ELMOD2: variants seen among roughly 807,000 people sequenced by gnomAD.
ELMOD2 encodes the protein ELMO domain-containing protein 2.
A neutral mutation model predicts 41.0 loss-of-function variants in ELMOD2; 28 were observed. The observed-to-expected ratio is 0.68, with a 90% confidence interval of 0.51 to 0.94. ELMOD2 has a LOEUF of 0.94. ELMOD2 is among the 40% of genes least tolerant of loss of function. The pLI, the probability that ELMOD2 is intolerant of heterozygous loss-of-function variation, is 0.00. For synonymous variants in ELMOD2, 106 were observed against 107.2 expected (o/e 0.99, Z 0.07); for missense variants, 333 against 343.1 (o/e 0.97, Z 0.23).
chr4:140,538,981 A>G (rs987723801), intron 5 of ELMOD2, among the ~76,000 whole-genome samples: 4 of 152,228 alleles, frequency 2.6e-5, no homozygotes, highest in African/African-American at 9.6e-5. Context: ...AACTCCTTGC[A>G]GAATTCATGG....
intron 3 of ELMOD2, among the ~76,000 whole-genome samples, chr4:140,531,411 A>G (rs919781290): frequency 6.6e-6 from 1 of 152,236 alleles, no homozygotes; most frequent in Non-Finnish European, 1.5e-5. Context: ...GTCTAATTCA[A>G]TATTCTGCTA....
intron 7 of ELMOD2, 148 bp from the exon 8 acceptor site, chr4:140,543,305 T>C: frequency 1.3e-6 from 1 of 782,172 alleles, no homozygotes; most frequent in Non-Finnish European, 1.9e-6. Flanking sequence ...AAATTCTTTC[T>C]AGTATATTTT....
At chr4:140,527,774 G>A (rs953011900) in intron 3 of ELMOD2, 6 of 347,036 alleles carry the variant, frequency 1.7e-5, no homozygotes, top group Non-Finnish European at 3.1e-5. Flanking sequence ...GGCCTTAGGA[G>A]GAAAGTCGTC....
rs1033712958 is a variant in ELMOD2, at chr4:140,552,925, C to T, written c.*2550C>T. 1 of 152,032 alleles carries T rather than the reference C, an allele frequency of 6.6e-6. No individual in the cohort carries two copies. The highest frequency in any genetic ancestry group is 1.9e-4 in the East Asian group (1 of 5,194). 9.4% of individuals were successfully genotyped at this position (152,032 alleles called of 1,614,324 possible). A position where few individuals can be genotyped will look rare whatever the true frequency, so the allele number is the denominator to read the frequency against. Reference sequence around the variant, plus strand: ...GGTATCAGTGAACCTATACCAACCTCTCTTTGTACATAAATATGGTGATGT... The same window carrying T: ...GGTATCAGTGAACCTATACCAACCTTTCTTTGTACATAAATATGGTGATGT... On this transcript the variant is annotated 3_prime_UTR_variant, in exon 9 of 9. Coordinates refer to ENST00000323570, the MANE Select transcript of ELMOD2 (RefSeq NM_153702.4).
At chr4:140,527,303 A>G (rs1416024783) in intron 2 of ELMOD2, among the ~76,000 whole-genome samples, 163 bp from the exon 3 acceptor site, 1 of 152,210 alleles carries the variant, frequency 6.6e-6, no homozygotes, top group Non-Finnish European at 1.5e-5. Flanking sequence ...ATATGTTTAT[A>G]CTGTAAGATT....
At position 140,550,570 on chromosome 4, in the gene ELMOD2, C is replaced by A; in HGVS notation, c.*195C>A. The stretch of plus-strand genomic sequence containing the variant: ...GTTTATACACTGTTCTCCAAAGGTA[C>A]CTTATCCTTCCAAAGATCCCCTCTG... On this transcript the variant is annotated 3_prime_UTR_variant, in exon 9 of 9. Coordinates refer to ENST00000323570, the MANE Select transcript of ELMOD2 (RefSeq NM_153702.4). The A allele has an allele frequency of 2.1e-6, 1 of 473,034 alleles. No individual in the cohort carries two copies. Among genetic ancestry groups the A allele is most frequent in the African/African-American group, 2.0e-5 (1 of 49,156 alleles). 29.3% of individuals were successfully genotyped at this position (473,034 alleles called of 1,614,324 possible). A position where few individuals can be genotyped will look rare whatever the true frequency, so the allele number is the denominator to read the frequency against.
chr4:140,538,243 T>C (rs1734993161), intron 5 of ELMOD2, among the ~76,000 whole-genome samples: 2 of 152,182 alleles, frequency 1.3e-5, no homozygotes, highest in African/African-American at 4.8e-5. Context: ...ACTAGAATGG[T>C]AGGGCCTGGA....
At chr4:140,546,211 T>C (rs1735274452) in intron 8 of ELMOD2, among the ~76,000 whole-genome samples, 2 of 152,068 alleles carry the variant, frequency 1.3e-5, no homozygotes, top group South Asian at 4.1e-4. Flanking sequence ...CTGGAAACCA[T>C]CATTCTCAGC....
Position 140,527,506 on chromosome 4 carries a change from T to G in ELMOD2, c.171+12T>G. 1 of 1,566,616 alleles carries G rather than the reference T, an allele frequency of 6.4e-7. No homozygotes were observed. The highest frequency in any genetic ancestry group is 2.3e-5 in the East Asian group (1 of 43,990). ...ACTCCAAGAATAAGGTAGGATAACA[T>G]AAAGGTGGTAACTCTAGAAAACTTA... On this transcript the variant is annotated intron_variant, in intron 3 of 8. Coordinates refer to ENST00000323570, the MANE Select transcript of ELMOD2 (RefSeq NM_153702.4).
At chr4:140,543,181 T>G (rs1303063868) in intron 7 of ELMOD2, among the ~76,000 whole-genome samples, 1 of 151,976 alleles carries the variant, frequency 6.6e-6, no homozygotes, top group Non-Finnish European at 1.5e-5. Context: ...ATAGTCCCCC[T>G]GACCCCTTTT....
At chr4:140,541,293 T>A (rs1330020520) in intron 6 of ELMOD2, among the ~76,000 whole-genome samples, 1 of 152,134 alleles carries the variant, frequency 6.6e-6, no homozygotes, top group Non-Finnish European at 1.5e-5. Flanking sequence ...TGTGAAAAAA[T>A]CCTGATATTG....
chr4:140,525,635 C>A, intron 2 of ELMOD2, 65 bp downstream of exon 2: 1 of 1,507,078 alleles, frequency 6.6e-7, no homozygotes, highest in East Asian at 2.4e-5. Flanking sequence ...TCAGGACTCA[C>A]AGTGACAGAT....
At chr4:140,526,824 G>A (rs1450703831) in intron 2 of ELMOD2, 1 of 152,138 alleles carries the variant, frequency 6.6e-6, no homozygotes. Context: ...TATAGTGTGG[G>A]GGAAGAATAT....
intron 8 of ELMOD2, among the ~76,000 whole-genome samples, chr4:140,547,709 C>T (rs1232857697): frequency 6.6e-6 from 1 of 151,954 alleles, no homozygotes; most frequent in Non-Finnish European, 1.5e-5. Flanking sequence ...TTTTCATCAC[C>T]CCAGTGAGAT....
At chr4:140,531,520 CT>C (rs529519941) in intron 3 of ELMOD2, among the ~76,000 whole-genome samples, 7 of 152,214 alleles carry the variant, frequency 4.6e-5, no homozygotes, top group South Asian at 2.1e-4. Context: ...GGGAGGAATA[CT>C]TTGGCAATCT....
intron 8 of ELMOD2, among the ~76,000 whole-genome samples, chr4:140,548,986 C>G (rs1197738696): frequency 2.6e-5 from 4 of 152,030 alleles, no homozygotes; most frequent in Non-Finnish European, 5.9e-5. Flanking sequence ...CTCCATGATC[C>G]AAATGGTGAA....
chr4:140,531,530 C>A (rs991076594), intron 3 of ELMOD2, among the ~76,000 whole-genome samples: 6 of 152,184 alleles, frequency 3.9e-5, no homozygotes, highest in African/African-American at 1.4e-4. Flanking sequence ...CTTTGGCAAT[C>A]TATTGGTGTT....
intron 3 of ELMOD2, among the ~76,000 whole-genome samples, chr4:140,534,499 A>G (rs1357316192): frequency 6.6e-6 from 1 of 152,174 alleles, no homozygotes; most frequent in Admixed American, 6.6e-5. Flanking sequence ...GTCAAAACAG[A>G]TCAGACAACA....
At position 140,525,500 on chromosome 4, in the gene ELMOD2, G is replaced by T. The variant is rs1560821768; in HGVS notation, c.72G>T (p.Gln24His). 2 of 1,613,908 alleles carry T rather than the reference G, an allele frequency of 1.2e-6. No individual in the cohort carries two copies. The highest frequency in any genetic ancestry group is 2.7e-5 in the African/African-American group (2 of 74,912). The change falls in exon 2 of 9, where the codon CAG becomes CAT. Residue 24 changes from glutamine (Q) to histidine (H), a missense_variant. Gln to His is a conservative substitution (Grantham distance 24, BLOSUM62 0). Coordinates refer to ENST00000323570, the MANE Select transcript of ELMOD2 (RefSeq NM_153702.4). ...TTTGGATGAAATGGCTATTACGACA[G>T]ATGACTGGGAAGTGTGAATTGCAGC... ...FRFWMKWLLR[Q>H]MTGKCELQRI...
Sources: gnomAD v4.1 joint callset for allele counts (sites outside exome capture counted in the v4.1 genomes callset) on GRCh38, gnomAD v4.1.1 for gene constraint, MANE v1.5 for transcripts, NCBI Gene and HGNC (gene_info 2026-07-23, HGNC 2026-07-21) for gene names.